DIS3L2: variants seen among roughly 807,000 people sequenced by gnomAD.
DIS3L2 encodes the protein DIS3-like exonuclease 2.
A neutral mutation model predicts 97.5 loss-of-function variants in DIS3L2; 34 were observed. That is an observed-to-expected ratio of 0.35 (90% confidence interval 0.27 to 0.46). DIS3L2 has a LOEUF of 0.46. DIS3L2 is among the 20% of genes least tolerant of loss of function. The pLI is 1.00. For synonymous variants in DIS3L2, 435 were observed against 445.2 expected, an observed-to-expected ratio of 0.98 and a Z score of 0.29; for missense variants, 1,038 against 1,146.0, an observed-to-expected ratio of 0.91 and a Z score of 1.36.
At chr2:232,329,785 T>TCCCCGGGGGGGCCCCC in intron 14 of DIS3L2, 28 bp from the exon 15 acceptor site, 244 of 966,898 alleles carry the variant, frequency 2.5e-4, no homozygotes, top group East Asian at 4.7e-4. Flanking sequence ...ACCCCAGCGG[T>TCCCCGGGGGGGCCCCC]CCCTCCCATC....
At chr2:231,971,834 G>A (rs929843363) in intron 1 of DIS3L2, among the ~76,000 whole-genome samples, 6 of 148,926 alleles carry the variant, frequency 4.0e-5, no homozygotes, top group Non-Finnish European at 7.4e-5. Flanking sequence ...GCCTGCCTCC[G>A]CCTCCCAAAG....
intron 1 of DIS3L2, among the ~76,000 whole-genome samples, chr2:231,971,982 T>A (rs1011853203): frequency 6.6e-6 from 1 of 150,872 alleles, no homozygotes; most frequent in Non-Finnish European, 1.5e-5. Context: ...GTCAAGAGAT[T>A]GAGACCATCC....
chr2:232,343,219 A>G (rs1696152747), intron 13 of DIS3L2: 6 of 773,104 alleles, frequency 7.8e-6, no homozygotes, highest in South Asian at 1.8e-5. Context: ...CAAAAAGGCC[A>G]TGCTGTATCT....
chr2:232,097,213 T>C (rs1209404358), intron 6 of DIS3L2, among the ~76,000 whole-genome samples: 1 of 152,188 alleles, frequency 6.6e-6, no homozygotes, highest in Admixed American at 6.5e-5. Context: ...AAGAATTCTC[T>C]GGATTACCAG....
chr2:231,973,057 C>A lies in DIS3L2; in HGVS notation c.-94+11292C>A, dbSNP rs569009003. Among the ~76,000 whole-genome samples, 12 of 152,226 alleles carry A rather than the reference C, an allele frequency of 7.9e-5. No individual in the cohort carries two copies. The East Asian group carries it at 1.9e-3, about 24-fold the overall frequency. On this transcript the variant is annotated intron_variant, in intron 1 of 20. Transcript: ENST00000325385. The stretch of plus-strand genomic sequence containing the variant: ...ACCTTGAATGAATTGGAAAATGTTC[C>A]TTTTCTTCGGTTTTCTGGAACAGTT...
At chr2:232,029,540 T>A in intron 4 of DIS3L2, among the ~76,000 whole-genome samples, 1 of 152,092 alleles carries the variant, frequency 6.6e-6, no homozygotes, top group East Asian at 1.9e-4. Flanking sequence ...GCAAGGTCGG[T>A]AGAGTGTGAA....
chr2:232,166,296 CT>C (rs1421133986), intron 9 of DIS3L2, among the ~76,000 whole-genome samples: 1 of 151,354 alleles, frequency 6.6e-6, no homozygotes, highest in East Asian at 1.9e-4. Flanking sequence ...TGCAGAAAGC[CT>C]TTGTTAAAAT....
At chr2:232,101,171 G>T (rs1009193557) in intron 6 of DIS3L2, among the ~76,000 whole-genome samples, 3 of 151,282 alleles carry the variant, frequency 2.0e-5, no homozygotes, top group Non-Finnish European at 4.4e-5. Flanking sequence ...GGCAGAGGTT[G>T]CAGTGAGCCA....
chr2:232,062,011 T>C (rs909985316), intron 5 of DIS3L2, among the ~76,000 whole-genome samples: 5 of 152,068 alleles, frequency 3.3e-5, no homozygotes, highest in Non-Finnish European at 5.9e-5. Context: ...TTTAGACAGA[T>C]ATATTTTTTT....
In DIS3L2 at chr2:232,117,175, C is replaced by T. The variant is rs535986664; in HGVS notation, c.602-13444C>T. Among the ~76,000 whole-genome samples, 17 of 152,264 alleles carry T rather than the reference C, an allele frequency of 1.1e-4. No homozygotes were observed. In the South Asian group the frequency reaches 3.1e-3, roughly 28 times the overall value. On this transcript the variant is annotated intron_variant, in intron 6 of 20. Coordinates refer to ENST00000325385, the MANE Select transcript of DIS3L2 (RefSeq NM_152383.5). The stretch of plus-strand genomic sequence containing the variant: ...CCAGGTATGAATATGCTCTCTGGGC[C>T]GACCCTGGTGTAGTGGGGCCAGGAT...
chr2:232,240,138 C>T (rs1235412668), intron 11 of DIS3L2, among the ~76,000 whole-genome samples: 1 of 152,226 alleles, frequency 6.6e-6, no homozygotes, highest in Non-Finnish European at 1.5e-5. Flanking sequence ...CCATAGCCGC[C>T]TTCAATATGT....
At chr2:232,009,390 A>G (rs908770264) in intron 1 of DIS3L2, among the ~76,000 whole-genome samples, 7 of 152,146 alleles carry the variant, frequency 4.6e-5, no homozygotes, top group Admixed American at 3.3e-4. Flanking sequence ...GGCTGGACTA[A>G]TTAATTCCAT....
chr2:232,065,918 C>T (rs574012337), intron 5 of DIS3L2, among the ~76,000 whole-genome samples: 6 of 151,258 alleles, frequency 4.0e-5, no homozygotes, highest in East Asian at 1.9e-4. Flanking sequence ...GTTTTTGATA[C>T]TATGATAATT....
At chr2:232,165,985 A>G (rs1052684646) in intron 9 of DIS3L2, among the ~76,000 whole-genome samples, 16 of 151,980 alleles carry the variant, frequency 1.1e-4, no homozygotes, top group Non-Finnish European at 2.4e-4. Flanking sequence ...TTCCCCTCTC[A>G]TGGCTCTATC....
chr2:232,007,947 C>T (rs182546156), intron 1 of DIS3L2, among the ~76,000 whole-genome samples: 1 of 152,046 alleles, frequency 6.6e-6, no homozygotes, highest in East Asian at 1.9e-4. Context: ...GACATTTGAG[C>T]CTGGAAGATT....
intron 6 of DIS3L2, among the ~76,000 whole-genome samples, chr2:232,097,446 C>G (rs1254290189): frequency 6.6e-6 from 1 of 152,170 alleles, no homozygotes; most frequent in Non-Finnish European, 1.5e-5. Flanking sequence ...AGCTGACTTT[C>G]AAACCACAGG....
intron 20 of DIS3L2, 104 bp downstream of exon 20, chr2:232,335,978 C>T (rs1695931110): frequency 1.3e-6 from 2 of 1,535,822 alleles, no homozygotes; most frequent in Admixed American, 2.0e-5. Flanking sequence ...GCTCCCCCAG[C>T]ACTGCAGCCT....
At chr2:232,077,494 A>G (rs1464101973) in intron 5 of DIS3L2, among the ~76,000 whole-genome samples, 2 of 152,154 alleles carry the variant, frequency 1.3e-5, no homozygotes, top group East Asian at 3.8e-4. Flanking sequence ...ATTTCTTATC[A>G]ATACTCCTCA....
intron 13 of DIS3L2, among the ~76,000 whole-genome samples, chr2:232,282,329 A>C (rs1694313915): frequency 6.6e-6 from 1 of 152,116 alleles, no homozygotes; most frequent in African/African-American, 2.4e-5. Context: ...CATCAGGAGG[A>C]GTGCCCCCCA....
Sources: gnomAD v4.1 joint callset for allele counts (sites outside exome capture counted in the v4.1 genomes callset) on GRCh38, gnomAD v4.1.1 for gene constraint, MANE v1.5 for transcripts, NCBI Gene and HGNC (gene_info 2026-07-23, HGNC 2026-07-21) for gene names.